SMAD3: variants seen among roughly 807,000 people sequenced by gnomAD.
SMAD3 encodes MAD homolog 3.
Under a neutral mutation model 51.8 loss-of-function variants are expected in SMAD3, and 12 were observed. That is an observed-to-expected ratio of 0.23 (90% CI 0.15 to 0.38). The LOEUF is 0.38. Among genes scored for constraint, SMAD3 ranks in the 10% least tolerant of loss-of-function variants. The probability of loss-of-function intolerance (pLI) is 1.00; values close to 1 mark genes in which losing one functional copy is unlikely to be tolerated. For synonymous variants in SMAD3, 238 were observed against 227.7 expected (o/e 1.05, Z -0.41); for missense variants, 294 against 565.6 (o/e 0.52, Z 4.87).
intron 1 of SMAD3, among the ~76,000 whole-genome samples, chr15:67,122,035 C>G (rs1259418640): frequency 6.6e-6 from 1 of 152,226 alleles, no homozygotes; most frequent in African/African-American, 2.4e-5. Context: ...CACGGGTAGG[C>G]TAGTGGCCAT....
At chr15:67,170,657 C>T (rs72661156) in intron 5 of SMAD3, 53 bp downstream of exon 5, 179 of 1,537,536 alleles carry the variant, frequency 1.2e-4, no homozygotes, top group African/African-American at 9.4e-4. Flanking sequence ...GCAGCCCTGG[C>T]GAGTCGCCAG....
At chr15:67,123,000 G>C (rs1022514653) in intron 1 of SMAD3, among the ~76,000 whole-genome samples, 3 of 151,790 alleles carry the variant, frequency 2.0e-5, no homozygotes, top group African/African-American at 7.3e-5. Flanking sequence ...AGACTGGCCA[G>C]CATAACAAGA....
intron 6 of SMAD3, among the ~76,000 whole-genome samples, chr15:67,183,000 A>AATATATATATATATATATAT (rs1555413788): frequency 2.3e-5 from 1 of 43,646 alleles, no homozygotes; most frequent in African/African-American, 1.4e-4. Flanking sequence ...AAAAAAAAAA[A>AATATATATATATATATATAT]ATATATATAT....
chr15:67,148,137 G>T (rs749402676), intron 1 of SMAD3, among the ~76,000 whole-genome samples: 1 of 152,182 alleles, frequency 6.6e-6, no homozygotes, highest in Non-Finnish European at 1.5e-5. Flanking sequence ...ACACCTTTAA[G>T]CCACTTCCCC....
intron 1 of SMAD3, among the ~76,000 whole-genome samples, chr15:67,113,966 T>C (rs979467592): frequency 2.6e-5 from 4 of 152,232 alleles, no homozygotes; most frequent in African/African-American, 9.6e-5. Flanking sequence ...GCAGCATTTC[T>C]GCCACCAGGT....
chr15:67,180,323 G>C (rs958369885), intron 5 of SMAD3, among the ~76,000 whole-genome samples: 2 of 152,016 alleles, frequency 1.3e-5, no homozygotes, highest in Non-Finnish European at 2.9e-5. Context: ...CCACTGGGCC[G>C]GGGCAAGAGG....
rs1264178168 is a variant in SMAD3, at chr15:67,191,924, AATT to A, written c.*1392_*1394del. ...AGCAATTAGGGAGAAAACTAGTCTAAATTATTTCAACTGGAAAAAAGAAAAAAG... is the reference window on the plus strand; with the variant it reads ...AGCAATTAGGGAGAAAACTAGTCTAAATTTCAACTGGAAAAAAGAAAAAAG... On this transcript the variant is annotated 3_prime_UTR_variant, in exon 9 of 9. Transcript: ENST00000327367. The A allele has an allele frequency of 4.4e-6, 1 of 227,828 alleles. No homozygotes were observed. The highest frequency in any genetic ancestry group is 8.7e-6 in the Non-Finnish European group (1 of 114,452). The allele number at this position is 227,828 out of a possible 1,614,324, so 14.1% of individuals were successfully genotyped here.
At chr15:67,134,487 A>G (rs1961604329) in intron 1 of SMAD3, among the ~76,000 whole-genome samples, 1 of 152,182 alleles carries the variant, frequency 6.6e-6, no homozygotes, top group Non-Finnish European at 1.5e-5. Flanking sequence ...AAGCAGCACT[A>G]AGAAAAGCCA....
In SMAD3 at chr15:67,065,682, G is replaced by C. The variant is rs535883990; in HGVS notation, c.-473G>C. ...CCCAGCCAGCGAGCGAGCGAGCGGC[G>C]AGCCGGGAGGAGGAGGGTGGCGGGG... On this transcript the variant is annotated 5_prime_UTR_variant, in exon 1 of 9. Transcript: ENST00000327367. 6.6e-6 allele frequency among the ~76,000 whole-genome samples: 1 copy of C among 151,682 alleles called. No homozygotes were observed. Among genetic ancestry groups the C allele is most frequent in the East Asian group, 1.9e-4 (1 of 5,148 alleles).
intron 1 of SMAD3, among the ~76,000 whole-genome samples, chr15:67,069,997 C>T (rs1459478834): frequency 6.6e-6 from 1 of 152,160 alleles, no homozygotes; most frequent in Non-Finnish European, 1.5e-5. Context: ...AGCCACCGCG[C>T]CTCACCGAAT....
chr15:67,096,624 A>G (rs1332006400), intron 1 of SMAD3, among the ~76,000 whole-genome samples: 1 of 152,126 alleles, frequency 6.6e-6, no homozygotes. Context: ...TTTCTATTTT[A>G]GTACCATGAT....
chr15:67,139,824 G>A (rs1465702285), intron 1 of SMAD3, among the ~76,000 whole-genome samples: 2 of 152,046 alleles, frequency 1.3e-5, no homozygotes, highest in African/African-American at 4.8e-5. Flanking sequence ...TGCTTGGAAA[G>A]TGAATGTGTT....
At chr15:67,142,843 C>T (rs1462133324) in intron 1 of SMAD3, 1 of 454,448 alleles carries the variant, frequency 2.2e-6, no homozygotes. Context: ...GGTGGGCACC[C>T]CATGTAGAGC....
chr15:67,154,490 T>C (rs1418179796), intron 1 of SMAD3, among the ~76,000 whole-genome samples: 1 of 152,218 alleles, frequency 6.6e-6, no homozygotes, highest in African/African-American at 2.4e-5. Context: ...ACATGGTCAC[T>C]GTGGTAGAAC....
At chr15:67,083,387 CT>C (rs1197815856) in intron 1 of SMAD3, among the ~76,000 whole-genome samples, 1 of 152,196 alleles carries the variant, frequency 6.6e-6, no homozygotes, top group African/African-American at 2.4e-5. Context: ...GCACGGTTGC[CT>C]TACTGGGGTT....
At chr15:67,172,988 G>A (rs1962792190) in intron 5 of SMAD3, among the ~76,000 whole-genome samples, 1 of 152,194 alleles carries the variant, frequency 6.6e-6, no homozygotes, top group Admixed American at 6.5e-5. Flanking sequence ...TGCCGTTCAG[G>A]TGGGGGATTG....
chr15:67,147,476 C>T (rs1464190113), intron 1 of SMAD3, among the ~76,000 whole-genome samples: 1 of 152,130 alleles, frequency 6.6e-6, no homozygotes, highest in Non-Finnish European at 1.5e-5. Flanking sequence ...TAGGAGCTCA[C>T]TCAGAAGGAT....
At chr15:67,129,205 T>A (rs1291295691) in intron 1 of SMAD3, among the ~76,000 whole-genome samples, 1 of 152,146 alleles carries the variant, frequency 6.6e-6, no homozygotes, top group East Asian at 1.9e-4. Flanking sequence ...CTAACAGGAC[T>A]CCTCTCTCAA....
chr15:67,159,288 C>G (rs1962364753), intron 1 of SMAD3, among the ~76,000 whole-genome samples: 1 of 152,086 alleles, frequency 6.6e-6, no homozygotes, highest in Non-Finnish European at 1.5e-5. Context: ...CCAGGCTGGT[C>G]TTGAATTCCT....
Sources: allele counts gnomAD v4.1 joint callset (sites outside exome capture counted in the v4.1 genomes callset), GRCh38; gene constraint gnomAD v4.1.1; transcripts MANE v1.5; gene names NCBI Gene and HGNC (gene_info 2026-07-23, HGNC 2026-07-21).